Variants in AGBL3 observed in about 807,000 individuals in gnomAD.
AGBL3 encodes cytosolic carboxypeptidase 3.
In AGBL3, 68 loss-of-function variants were observed where a neutral mutation model predicts 94.5. The observed-to-expected ratio is 0.72, with a 90% CI of 0.59 to 0.88. The LOEUF (loss-of-function observed/expected upper bound fraction) is 0.88. AGBL3 is among the 40% of genes least tolerant of loss of function. AGBL3 has a pLI of 0.00. For missense variants in AGBL3, 934 were observed against 1,103.8 expected (o/e 0.85, Z 2.18); for synonymous variants, 354 against 370.7 (o/e 0.95, Z 0.52).
intron 11 of AGBL3, among the ~76,000 whole-genome samples, chr7:135,055,992 T>C (rs1237467624): frequency 7.3e-6 from 1 of 137,156 alleles, no homozygotes; most frequent in East Asian, 1.9e-4. Context: ...TGAGTTCTGG[T>C]ACACTGTGTC....
intron 16 of AGBL3, among the ~76,000 whole-genome samples, chr7:135,131,475 A>G (rs1018623901): frequency 6.6e-6 from 1 of 151,962 alleles, no homozygotes; most frequent in Admixed American, 6.6e-5. Flanking sequence ...AAAAATTCTC[A>G]AAGGAAGTAA....
chr7:135,052,098 C>T (rs1296260215), intron 11 of AGBL3, among the ~76,000 whole-genome samples: 1 of 152,140 alleles, frequency 6.6e-6, no homozygotes, highest in Non-Finnish European at 1.5e-5. Flanking sequence ...CCCATCCCCC[C>T]TTCTGTACCC....
chr7:135,130,776 A>G (rs1052053617), intron 16 of AGBL3, among the ~76,000 whole-genome samples: 2 of 152,110 alleles, frequency 1.3e-5, no homozygotes, highest in African/African-American at 2.4e-5. Context: ...CTAACAAGCT[A>G]TGGGAATTTG....
chr7:135,125,759 T>G (rs1827790683), intron 16 of AGBL3, among the ~76,000 whole-genome samples: 1 of 152,164 alleles, frequency 6.6e-6, no homozygotes, highest in Non-Finnish European at 1.5e-5. Flanking sequence ...TCAATAAACA[T>G]AATCCATCAC....
intron 15 of AGBL3, among the ~76,000 whole-genome samples, chr7:135,110,838 G>A (rs1377208369): frequency 6.6e-6 from 1 of 152,118 alleles, no homozygotes; most frequent in South Asian, 2.1e-4. Flanking sequence ...CTTATCCTTT[G>A]ACTAAGCCAA....
At chr7:135,018,198 C>A (rs985740198) in intron 5 of AGBL3, among the ~76,000 whole-genome samples, 1 of 152,188 alleles carries the variant, frequency 6.6e-6, no homozygotes, top group Non-Finnish European at 1.5e-5. Flanking sequence ...GAAGACAGAA[C>A]TGGTCTCCAG....
intron 7 of AGBL3, among the ~76,000 whole-genome samples, chr7:135,036,566 A>G (rs1816329881): frequency 6.6e-6 from 1 of 152,202 alleles, no homozygotes; most frequent in African/African-American, 2.4e-5. Flanking sequence ...GATGATTTGA[A>G]GCATTCCCCA....
intron 15 of AGBL3, among the ~76,000 whole-genome samples, chr7:135,089,998 G>A (rs993973561): frequency 3.9e-5 from 6 of 152,186 alleles, no homozygotes; most frequent in Admixed American, 2.0e-4. Flanking sequence ...CATGGGGCCA[G>A]GTTGTAGCTG....
chr7:135,098,586 T>G (rs1007249259), intron 15 of AGBL3, among the ~76,000 whole-genome samples: 2 of 152,194 alleles, frequency 1.3e-5, no homozygotes, highest in African/African-American at 2.4e-5. Flanking sequence ...TCTAACTTGA[T>G]GTCATTGCAT....
intron 3 of AGBL3, among the ~76,000 whole-genome samples, chr7:134,992,354 G>C (rs1810403385): frequency 6.6e-6 from 1 of 152,192 alleles, no homozygotes; most frequent in African/African-American, 2.4e-5. Flanking sequence ...AATCTTGCCT[G>C]ACCACCCTAT....
chr7:135,039,035 A>C (rs779509489), intron 8 of AGBL3, among the ~76,000 whole-genome samples: 17 of 152,212 alleles, frequency 1.1e-4, no homozygotes, highest in Non-Finnish European at 2.4e-4. Context: ...TTAATCTGGA[A>C]CTGGTAGATA....
rs1819051615 is a variant in AGBL3 at position 135,063,885 on chromosome 7, G to A, written c.1908+4650G>A. ...GTATTTTCTTGTTCATGAATCTGAA[G>A]GTCAGCAGTGGCTCTACTGAACTAA... On this transcript the variant is annotated intron_variant, in intron 12 of 16. Transcript: ENST00000436302. Among the ~76,000 whole-genome samples the A allele has an allele frequency of 2.0e-5, 3 of 152,284 alleles. No homozygotes were observed. In the South Asian group the frequency reaches 6.2e-4, roughly 32 times the overall value.
At chr7:134,988,114 C>T (rs1584727844) in intron 2 of AGBL3, 118 bp downstream of exon 2, 1 of 803,568 alleles carries the variant, frequency 1.2e-6, no homozygotes, top group Non-Finnish European at 1.9e-6. Flanking sequence ...AAATTATTGT[C>T]ATTGAAGTTG....
chr7:135,092,257 C>G (rs1821962624), intron 15 of AGBL3: 1 of 152,130 alleles, frequency 6.6e-6, no homozygotes. Flanking sequence ...GAACTCTGCT[C>G]TTTGTCATCC....
chr7:135,015,915 C>T (rs1813738337), intron 4 of AGBL3, among the ~76,000 whole-genome samples: 1 of 150,294 alleles, frequency 6.7e-6, no homozygotes, highest in Non-Finnish European at 1.5e-5. Context: ...TCTGTAGTCC[C>T]AGCTACTCGG....
chr7:135,032,471 A>AT (rs375307379), intron 5 of AGBL3, among the ~76,000 whole-genome samples: 35,384 of 134,300 alleles, frequency 0.26, 5,037 homozygotes, highest in South Asian at 0.41. Context: ...CACCTGGCTA[A>AT]TTTTTTTTTT....
rs563879664 is a variant in AGBL3, at chr7:134,994,693, C to T, written c.310+1015C>T. Among the ~76,000 whole-genome samples, 4 of 152,244 alleles carry T rather than the reference C, an allele frequency of 2.6e-5. No individual in the cohort carries two copies. The South Asian group carries it at 8.3e-4, about 32-fold the overall frequency. Reference sequence around the variant, plus strand: ...TAAAAACTAAATTTTCTTCATATATCATCTGGCATATAGATAGATAGACAT... The same window carrying T: ...TAAAAACTAAATTTTCTTCATATATTATCTGGCATATAGATAGATAGACAT... On this transcript the variant is annotated intron_variant, in intron 4 of 16. Transcript: ENST00000436302.
intron 15 of AGBL3, chr7:135,094,641 C>T: frequency 2.4e-6 from 1 of 419,932 alleles, no homozygotes; most frequent in East Asian, 7.1e-5. Context: ...TTCTCCGTAA[C>T]AAGGGCCTAC....
chr7:135,021,053 A>G (rs1039165998), intron 5 of AGBL3, among the ~76,000 whole-genome samples: 3 of 14,494 alleles, frequency 2.1e-4, no homozygotes, highest in African/African-American at 2.5e-4. Flanking sequence ...AACTTAAATA[A>G]TAAAAAAAAA....
Sources: allele counts gnomAD v4.1 joint callset (sites outside exome capture counted in the v4.1 genomes callset), GRCh38; gene constraint gnomAD v4.1.1; transcripts MANE v1.5; gene names NCBI Gene and HGNC (gene_info 2026-07-23, HGNC 2026-07-21).